FXR1: variants seen among roughly 807,000 people sequenced by gnomAD.
FXR1 encodes RNA-binding protein FXR1.
Under a neutral mutation model 84.0 loss-of-function variants are expected in FXR1, and 15 were observed. The ratio of observed to expected loss-of-function variants is 0.18; its 90% CI spans 0.12 to 0.27. The LOEUF (loss-of-function observed/expected upper bound fraction) is 0.27. Among genes scored for constraint, FXR1 ranks in the 10% least tolerant of loss-of-function variants. FXR1 has a pLI of 1.00. For synonymous variants in FXR1, 245 were observed against 250.7 expected (o/e 0.98, Z 0.21); for missense variants, 480 against 774.4 (o/e 0.62, Z 4.51).
At chr3:180,928,907 C>CAT (rs1719553845) in intron 1 of FXR1, among the ~76,000 whole-genome samples, 9 of 151,502 alleles carry the variant, frequency 5.9e-5, no homozygotes, top group African/African-American at 2.2e-4. Context: ...TCATTTTACA[C>CAT]TTAATTTATG....
intron 1 of FXR1, among the ~76,000 whole-genome samples, chr3:180,930,063 G>C (rs1719701372): frequency 6.6e-6 from 1 of 152,220 alleles, no homozygotes; most frequent in South Asian, 2.1e-4. Flanking sequence ...CGGAGTTCGA[G>C]ACCAGCCTGG....
intron 1 of FXR1, among the ~76,000 whole-genome samples, chr3:180,918,465 T>C (rs775106547): frequency 1.3e-5 from 2 of 152,120 alleles, no homozygotes; most frequent in Non-Finnish European, 2.9e-5. Flanking sequence ...AAAGTAACTT[T>C]TAGGATAGTG....
At chr3:180,960,369 T>A (rs1711943134) in intron 10 of FXR1, among the ~76,000 whole-genome samples, 1 of 152,238 alleles carries the variant, frequency 6.6e-6, no homozygotes, top group South Asian at 2.1e-4. Flanking sequence ...ACTGTAGGGA[T>A]AACTGGGTTA....
intron 3 of FXR1, among the ~76,000 whole-genome samples, chr3:180,943,292 T>TA (rs397991793): frequency 2.2e-4 from 20 of 90,192 alleles, no homozygotes; most frequent in Non-Finnish European, 4.2e-4. Flanking sequence ...TTTTTTTTTT[T>TA]AAGAAGGAGT....
rs533553022 is a variant in FXR1 at position 180,978,643 on chromosome 3, A to G, written c.*2351A>G. The G allele has an allele frequency of 3.3e-4, 50 of 152,246 alleles. No homozygotes were observed. The highest frequency in any genetic ancestry group is 1.1e-3 in the African/African-American group (46 of 41,570). The allele number at this position is 152,246 out of a possible 1,614,324, so 9.4% of individuals were successfully genotyped here. On this transcript the variant is annotated 3_prime_UTR_variant, in exon 17 of 17. Transcript: ENST00000357559. ...CTTATGTCTTTGGTTCTAGCTACTC[A>G]GGAGCCTGAGGTGGGAGCATCATTT...
At position 180,980,880 on chromosome 3, in the gene FXR1, C is replaced by T. The variant is rs949052125; in HGVS notation, c.*4588C>T. On this transcript the variant is annotated 3_prime_UTR_variant, in exon 17 of 17. Transcript: ENST00000357559. Reference sequence around the variant, plus strand: ...AACTGGTACTCAAGGTTACTCATTCCAGGATACTTTACATAACCAAAAACC... The same window carrying T: ...AACTGGTACTCAAGGTTACTCATTCTAGGATACTTTACATAACCAAAAACC... The T allele has an allele frequency of 6.6e-6, 1 of 151,962 alleles. No homozygotes were observed. The highest frequency in any genetic ancestry group is 2.4e-5 in the African/African-American group (1 of 41,396). 9.4% of individuals were successfully genotyped at this position (151,962 alleles called of 1,614,324 possible).
At position 180,947,925 on chromosome 3, in the gene FXR1, A is replaced by G; in HGVS notation, c.259A>G (p.Met87Val). The G allele has an allele frequency of 1.3e-6, 2 of 1,598,128 alleles. No individual in the cohort carries two copies. Among genetic ancestry groups the G allele is most frequent in the Non-Finnish European group, 1.7e-6 (2 of 1,166,188 alleles). Residue 87 changes from methionine to valine, a missense_variant, in exon 4 of 17, where the codon ATG (methionine) becomes GTG (valine). Met to Val is a conservative substitution (Grantham distance 21). Around this residue, in one of 6 missense-constraint regions of FXR1, gnomAD observed 136 missense variants for 315.4 expected, o/e 0.43. Transcript: ENST00000357559. ...CGWWLAKVRM[M>V]KGEFYVIEYA... ...GTGGTGGTTGGCTAAAGTTCGGATG[A>G]TGAAAGGAGAAGTAAGTACTCTTCA...
At chr3:180,931,592 C>T (rs1560169400) in intron 1 of FXR1, among the ~76,000 whole-genome samples, 2 of 151,942 alleles carry the variant, frequency 1.3e-5, no homozygotes, top group African/African-American at 2.4e-5. Flanking sequence ...AGAAATGTCC[C>T]GTGGCACACA....
chr3:180,976,271 A>C lies in FXR1; in HGVS notation c.1845A>C (p.Ala615=), dbSNP rs775842753. ...AAGAAGAAAACACTCAAGAAGCAGC[A>C]GTCCTGAATGGTGTTTCATAAACTG... ...TLKEENTQEA[A]VLNGVS The change falls in exon 17 of 17, where the codon GCA becomes GCC. Residue 615 remains alanine (A), a synonymous_variant. Transcript: ENST00000357559. 6 of 1,607,568 alleles carry C rather than the reference A, an allele frequency of 3.7e-6. No homozygotes were observed. Among genetic ancestry groups the C allele is most frequent in the Non-Finnish European group, 3.4e-6 (4 of 1,176,668 alleles).
At chr3:180,938,223 G>T (rs1031808468) in intron 3 of FXR1, among the ~76,000 whole-genome samples, 3 of 152,090 alleles carry the variant, frequency 2.0e-5, no homozygotes, top group Non-Finnish European at 4.4e-5. Flanking sequence ...TTCCTAAGAG[G>T]TTAATGTTTT....
intron 3 of FXR1, among the ~76,000 whole-genome samples, chr3:180,945,506 G>A (rs1381392032): frequency 6.6e-6 from 1 of 152,184 alleles, no homozygotes; most frequent in Non-Finnish European, 1.5e-5. Flanking sequence ...CCAGGCTCCA[G>A]CAATCCTTCC....
rs1204877173 is a variant in FXR1, at chr3:180,954,413, C to G, written c.880+573C>G. ...TTATTATTTGACACCATTATTGAAA[C>G]TGTTGTACCCATGGATTATAGTTAA... On this transcript the variant is annotated intron_variant, in intron 9 of 16. Transcript: ENST00000357559. Among the ~76,000 whole-genome samples the G allele has an allele frequency of 3.9e-5, 6 of 152,276 alleles. No homozygotes were observed. In the East Asian group the frequency reaches 1.2e-3, roughly 29 times the overall value.
At chr3:180,932,443 A>G (rs545754110) in intron 1 of FXR1, among the ~76,000 whole-genome samples, 1 of 152,344 alleles carries the variant, frequency 6.6e-6, no homozygotes, top group East Asian at 1.9e-4. Flanking sequence ...AGTGCCAAGG[A>G]CTGCTTGCCT....
intron 1 of FXR1, among the ~76,000 whole-genome samples, chr3:180,920,404 AG>A (rs2108424236): frequency 6.6e-6 from 1 of 152,226 alleles, no homozygotes; most frequent in Non-Finnish European, 1.5e-5. Context: ...TTTTTAAAGA[AG>A]TTATGTTTTG....
At chr3:180,953,131 A>C (rs1445794162) in intron 8 of FXR1, among the ~76,000 whole-genome samples, 1 of 152,162 alleles carries the variant, frequency 6.6e-6, no homozygotes, top group Non-Finnish European at 1.5e-5. Flanking sequence ...GCGTGAGCCC[A>C]CTGCATCTGG....
At chr3:180,923,850 T>G (rs1199136498) in intron 1 of FXR1, among the ~76,000 whole-genome samples, 1 of 152,168 alleles carries the variant, frequency 6.6e-6, no homozygotes, top group Non-Finnish European at 1.5e-5. Context: ...CTCAGTCTCC[T>G]GAGTGGGTTG....
At chr3:180,915,044 C>T (rs1266180383) in intron 1 of FXR1, 5 of 433,940 alleles carry the variant, frequency 1.2e-5, no homozygotes, top group Non-Finnish European at 1.5e-5. Flanking sequence ...CTGAACAAAT[C>T]TCTCTGTCTA....
Position 180,962,117 on chromosome 3 carries a change from A to G in FXR1, c.1077+563A>G, listed in dbSNP as rs190530953. ...TGACCCATAAATTATTAAACATTTT[A>G]ATTTTATTTTCTACTCTTTCCCTTT... is the stretch of plus-strand genomic sequence containing the variant. On this transcript the variant is annotated intron_variant, in intron 11 of 16. Transcript: ENST00000357559. Among the ~76,000 whole-genome samples the G allele has an allele frequency of 1.5e-3, 235 of 152,202 alleles. 2 individuals are homozygous for G. Among genetic ancestry groups the G allele is most frequent in the African/African-American group, 5.5e-3 (229 of 41,536 alleles).
Position 180,943,407 on chromosome 3 carries a change from C to T in FXR1, c.199-4458C>T, listed in dbSNP as rs547148887. Among the ~76,000 whole-genome samples, 264 of 151,150 alleles carry T rather than the reference C, an allele frequency of 1.7e-3. 3 individuals are homozygous for T. Among genetic ancestry groups the T allele is most frequent in the South Asian group, 1.7e-3 (8 of 4,780 alleles). The stretch of plus-strand genomic sequence containing the variant: ...CCTCCCAAGTAGCTGGGATTACGGG[C>T]GCCCGCCCACCACCATGCCCAGCTA... On this transcript the variant is annotated intron_variant, in intron 3 of 16. Coordinates refer to ENST00000357559, the MANE Select transcript of FXR1 (RefSeq NM_005087.4).
Sources: gnomAD v4.1 joint callset for allele counts (sites outside exome capture counted in the v4.1 genomes callset) on GRCh38, gnomAD v4.1.1 for gene constraint, gnomAD v4.1.1 regional missense constraint, MANE v1.5 for transcripts, NCBI Gene and HGNC (gene_info 2026-07-23, HGNC 2026-07-21) for gene names.